Variants in MYL4 observed in about 807,000 individuals in gnomAD.
The protein encoded by MYL4 is atrial myosin light chain 1.
Under a neutral mutation model 21.6 loss-of-function variants are expected in MYL4, and 16 were observed. That is an observed-to-expected ratio of 0.74 (90% CI 0.50 to 1.12). The LOEUF is 1.12. Ranked by LOEUF, MYL4 falls within the 50% of genes most tolerant of loss-of-function variation. The pLI is 0.00. For synonymous variants in MYL4, 82 were observed against 95.7 expected (o/e 0.86, Z 0.83); for missense variants, 249 against 252.9 (o/e 0.98, Z 0.11).
intron 3 of MYL4, among the ~76,000 whole-genome samples, chr17:47,220,568 C>T (rs73329128): frequency 1.0e-3 from 159 of 152,342 alleles, no homozygotes; most frequent in African/African-American, 3.7e-3. Context: ...CTCTTTCATT[C>T]ATTTGCATTT....
In MYL4 at chr17:47,221,564, T is replaced by C. The variant is rs994728823; in HGVS notation, c.314-118T>C. On this transcript the variant is annotated intron_variant, in intron 3 of 6. Coordinates refer to ENST00000393450, the MANE Select transcript of MYL4 (RefSeq NM_002476.2). ...CACTAATGGGTGTACCACCCAGAAT[T>C]GGCTGCAGCCCAAGCCCTGGGTGCT... 78 of 1,166,294 alleles carry C rather than the reference T, an allele frequency of 6.7e-5. No homozygotes were observed. In the East Asian group the frequency reaches 1.8e-3, roughly 27 times the overall value. The allele number at this position is 1,166,294 out of a possible 1,614,324, so 72.2% of individuals were successfully genotyped here.
At chr17:47,215,383 A>G (rs2064806280) in intron 2 of MYL4, among the ~76,000 whole-genome samples, 1 of 152,174 alleles carries the variant, frequency 6.6e-6, no homozygotes, top group South Asian at 2.1e-4. Flanking sequence ...GGGACAACTC[A>G]TTCTGATCTT....
downstream of MYL4, among the ~76,000 whole-genome samples, chr17:47,224,700 G>A (rs1288662763): frequency 6.6e-6 from 1 of 152,168 alleles, no homozygotes; most frequent in East Asian, 1.9e-4. Flanking sequence ...ATGTCCCATT[G>A]TATAGGTCAA....
intron 3 of MYL4, among the ~76,000 whole-genome samples, chr17:47,221,424 C>T (rs1456184775): frequency 6.6e-6 from 1 of 152,156 alleles, no homozygotes; most frequent in African/African-American, 2.4e-5. Context: ...GGGTGGAGGG[C>T]TCCTTTTTCC....
At chr17:47,194,987 C>T in the MYL4 span, among the ~76,000 whole-genome samples, 63 of 151,776 alleles carry the variant, frequency 4.2e-4, no homozygotes, top group African/African-American at 1.5e-3. Flanking sequence ...GTGGTCCACC[C>T]GTCTCAGCCT....
chr17:47,221,369 C>T (rs1001971562), intron 3 of MYL4, among the ~76,000 whole-genome samples: 2 of 152,156 alleles, frequency 1.3e-5, no homozygotes, highest in Non-Finnish European at 2.9e-5. Flanking sequence ...GCTGCTGCCA[C>T]CCTCAGCTCC....
chr17:47,200,821 C>T (rs746463743), intron 1 of MYL4, among the ~76,000 whole-genome samples: 2 of 152,202 alleles, frequency 1.3e-5, no homozygotes, highest in Non-Finnish European at 2.9e-5. Flanking sequence ...TGAGGCTGAA[C>T]ATATAGCATT....
At chr17:47,221,640 T>C in intron 3 of MYL4, 42 bp from the exon 4 acceptor site, 1 of 1,584,720 alleles carries the variant, frequency 6.3e-7, no homozygotes, top group Non-Finnish European at 8.6e-7. Flanking sequence ...CTTGAGCACC[T>C]GCTCACATTG....
chr17:47,210,220 C>T (rs577926509), intron 1 of MYL4, among the ~76,000 whole-genome samples: 1 of 152,314 alleles, frequency 6.6e-6, no homozygotes, highest in Non-Finnish European at 1.5e-5. Context: ...GAGACCCTCT[C>T]TCCAACCGGG....
intron 4 of MYL4, 83 bp downstream of exon 4, chr17:47,221,938 G>T: frequency 2.0e-6 from 3 of 1,469,304 alleles, no homozygotes; most frequent in South Asian, 1.3e-5. Context: ...CTGGTTGGGT[G>T]GGGGGTGGTA....
At chr17:47,223,347 G>A (rs1048505823) in intron 6 of MYL4, 162 bp from the exon 7 acceptor site, 1 of 387,032 alleles carries the variant, frequency 2.6e-6, no homozygotes, top group East Asian at 4.2e-5. Flanking sequence ...TCCTGGGAGT[G>A]AGAAAGCCGA....
intron 2 of MYL4, among the ~76,000 whole-genome samples, chr17:47,217,203 T>C (rs1351790546): frequency 6.6e-6 from 1 of 152,182 alleles, no homozygotes; most frequent in Non-Finnish European, 1.5e-5. Flanking sequence ...ATACCTGTAA[T>C]CTCAGCACTT....
At chr17:47,220,949 C>T (rs535849229) in intron 3 of MYL4, among the ~76,000 whole-genome samples, 1 of 152,264 alleles carries the variant, frequency 6.6e-6, no homozygotes, top group Non-Finnish European at 1.5e-5. Context: ...CCCCCTTCTC[C>T]TCTGGCTGAA....
chr17:47,211,128 A>G (rs1366103445), intron 1 of MYL4, among the ~76,000 whole-genome samples: 1 of 152,070 alleles, frequency 6.6e-6, no homozygotes, highest in Non-Finnish European at 1.5e-5. Flanking sequence ...CCATATCTGC[A>G]TCTTCATGGG....
At chr17:47,194,980 G>T in the MYL4 span, among the ~76,000 whole-genome samples, 1 of 150,876 alleles carries the variant, frequency 6.6e-6, no homozygotes, top group Non-Finnish European at 1.5e-5. Flanking sequence ...AGCTCAAGTG[G>T]TCCACCCGTC....
chr17:47,204,144 G>A (rs1415066711), upstream of MYL4, among the ~76,000 whole-genome samples: 1 of 152,222 alleles, frequency 6.6e-6, no homozygotes, highest in Admixed American at 6.5e-5. Context: ...GAGTCATGGC[G>A]AGTGAGGGAG....
At chr17:47,206,687 A>G (rs750712635), upstream of MYL4, among the ~76,000 whole-genome samples, 1 of 152,194 alleles carries the variant, frequency 6.6e-6, no homozygotes, top group Admixed American at 6.5e-5. Flanking sequence ...CAAGATTGCT[A>G]GTCTCAGGAT....
chr17:47,195,436 T>C, the MYL4 span, among the ~76,000 whole-genome samples: 1 of 151,898 alleles, frequency 6.6e-6, no homozygotes, highest in Non-Finnish European at 1.5e-5. Flanking sequence ...TCCATGTTGG[T>C]CAGGCTGGCC....
intron 1 of MYL4, among the ~76,000 whole-genome samples, chr17:47,211,634 TG>T (rs1481461959): frequency 6.6e-6 from 1 of 152,178 alleles, no homozygotes; most frequent in Non-Finnish European, 1.5e-5. Flanking sequence ...CCCCTACTTT[TG>T]GCAGTCTATT....
Sources: gnomAD v4.1 joint callset for allele counts (sites outside exome capture counted in the v4.1 genomes callset) on GRCh38, gnomAD v4.1.1 for gene constraint, MANE v1.5 for transcripts, NCBI Gene and HGNC (gene_info 2026-07-23, HGNC 2026-07-21) for gene names.